Variants in RAB7B observed in about 807,000 individuals in gnomAD.
RAB7B encodes the protein RAB7B, member RAS oncogene family.
At chr1:205,983,776 A>T (rs1660540638) in intron 5 of RAB7B, 1 of 145,758 alleles carries the variant, frequency 6.9e-6, no homozygotes, top group African/African-American at 2.7e-5. Flanking sequence ...TTGCCAAGAA[A>T]GGGTGTTATA....
At chr1:205,994,274 G>A (rs1660773589) in intron 1 of RAB7B, 123 bp from the exon 2 acceptor site, 3 of 393,826 alleles carry the variant, frequency 7.6e-6, no homozygotes, top group Non-Finnish European at 1.3e-5. Flanking sequence ...GGGACTGGGT[G>A]GGGTTCTCCG....
At chr1:205,979,753 C>G (rs1660453533) in intron 5 of RAB7B, among the ~76,000 whole-genome samples, 1 of 152,170 alleles carries the variant, frequency 6.6e-6, no homozygotes, top group South Asian at 2.1e-4. Context: ...AGCATTCACT[C>G]TACGTGGAAG....
Position 205,988,268 on chromosome 1 carries a change from G to A in RAB7B, c.397-2603C>T, listed in dbSNP as rs1295424832. On this transcript the variant is annotated intron_variant, in intron 4 of 5. Transcript: ENST00000617070. ...TTTTCTTTTAGTGTCTTGCTCTGTC[G>A]CCCAGGCTGGAGCACAGTGGTGTGA... Among the ~76,000 whole-genome samples the A allele has an allele frequency of 9.4e-5, 12 of 128,002 alleles. No homozygotes were observed. The East Asian group carries it at 1.2e-3, about 13-fold the overall frequency. 84.0% of individuals were successfully genotyped at this position (128,002 alleles called of 152,430 possible). A position where few individuals can be genotyped will look rare whatever the true frequency, so the allele number is the denominator to read the frequency against.
At chr1:205,984,286 G>A in intron 5 of RAB7B, 1 of 152,262 alleles carries the variant, frequency 6.6e-6, no homozygotes, top group Non-Finnish European at 1.5e-5. Context: ...ATGCCTAGCT[G>A]GGCTCTTCTC....
Position 205,977,526 on chromosome 1 carries a change from A to G in RAB7B, c.*1325T>C, listed in dbSNP as rs1351578618. The G allele has an allele frequency of 6.6e-6, 1 of 152,210 alleles. No individual in the cohort carries two copies. Among genetic ancestry groups the G allele is most frequent in the Non-Finnish European group, 1.5e-5 (1 of 68,032 alleles). The allele number at this position is 152,210 out of a possible 1,614,324, so 9.4% of individuals were successfully genotyped here. A position where few individuals can be genotyped will look rare whatever the true frequency, so the allele number is the denominator to read the frequency against. On this transcript the variant is annotated 3_prime_UTR_variant, in exon 6 of 6. Transcript: ENST00000617070. ...CAAAACCCCAGCTCCTAAAACCTTC[A>G]TGAGCATCCACTTTCTGCTCAGCCT...
At chr1:205,990,673 G>T (rs1660705876) in intron 4 of RAB7B, among the ~76,000 whole-genome samples, 1 of 152,154 alleles carries the variant, frequency 6.6e-6, no homozygotes, top group African/African-American at 2.4e-5. Flanking sequence ...TGTCATGGGA[G>T]GTACAGCGAA....
intron 5 of RAB7B, among the ~76,000 whole-genome samples, chr1:205,981,636 T>C (rs1202698299): frequency 1.4e-5 from 2 of 148,132 alleles, no homozygotes; most frequent in African/African-American, 5.0e-5. Context: ...GAACACCTAC[T>C]GTGGTCTCTT....
chr1:205,985,008 C>T (rs1020817854), intron 5 of RAB7B, among the ~76,000 whole-genome samples: 1 of 152,206 alleles, frequency 6.6e-6, no homozygotes, highest in African/African-American at 2.4e-5. Flanking sequence ...CACTTAGGGG[C>T]CTATCTGCCT....
At chr1:205,980,381 C>T (rs1660468056) in intron 5 of RAB7B, among the ~76,000 whole-genome samples, 1 of 152,240 alleles carries the variant, frequency 6.6e-6, no homozygotes, top group African/African-American at 2.4e-5. Flanking sequence ...ACATCATTTT[C>T]ACTTGACAAT....
At position 205,994,086 on chromosome 1, in the gene RAB7B, A is replaced by G. The variant is rs927188129; in HGVS notation, c.50T>C (p.Ile17Thr). The change falls in exon 2 of 6, where the codon ATT (isoleucine) becomes ACT (threonine). Residue 17 changes from isoleucine to threonine, a missense_variant. Transcript: ENST00000617070. ...VDLKLIIVGAIGVGKTSLLHQ... is the reference protein window; with the variant it reads ...VDLKLIIVGATGVGKTSLLHQ... ...CCCAGAGCTGAGCTTGGCTTACCCAATGGCTCCGACGATAATGAGTTTCAG... is the reference window on the plus strand; with the variant it reads ...CCCAGAGCTGAGCTTGGCTTACCCAGTGGCTCCGACGATAATGAGTTTCAG... 5.8e-5 allele frequency: 23 copies of G among 398,514 alleles called. No homozygotes were observed. The highest frequency in any genetic ancestry group is 8.4e-5 in the Non-Finnish European group (19 of 226,104). The allele number at this position is 398,514 out of a possible 1,614,324, so 24.7% of individuals were successfully genotyped here. A position where few individuals can be genotyped will look rare whatever the true frequency, so the allele number is the denominator to read the frequency against.
intron 1 of RAB7B, among the ~76,000 whole-genome samples, chr1:205,994,978 G>T (rs951094905): frequency 3.9e-5 from 6 of 152,078 alleles, no homozygotes; most frequent in Non-Finnish European, 8.8e-5. Flanking sequence ...GAAAACAGAA[G>T]ATGGTACATT....
intron 5 of RAB7B, among the ~76,000 whole-genome samples, chr1:205,980,116 G>A (rs946964893): frequency 1.1e-4 from 17 of 152,174 alleles, no homozygotes; most frequent in African/African-American, 4.1e-4. Context: ...AATGTACCCC[G>A]ATGGCACAGA....
intron 4 of RAB7B, among the ~76,000 whole-genome samples, chr1:205,985,868 C>T (rs1660596526): frequency 6.6e-6 from 1 of 152,232 alleles, no homozygotes; most frequent in Admixed American, 6.5e-5. Context: ...TGAGAACCTC[C>T]CAAGTGTCTC....
At chr1:205,985,826 TCCC>T (rs1660594223) in intron 4 of RAB7B, among the ~76,000 whole-genome samples, 161 bp from the exon 5 acceptor site, 1 of 144,866 alleles carries the variant, frequency 6.9e-6, no homozygotes, top group African/African-American at 2.5e-5. Context: ...AGGCCCACCA[TCCC>T]CACCAGGCCC....
chr1:205,985,822 A>ACCATCCCCACCAGGCCCACCAGGCCCC (rs1660593981), intron 4 of RAB7B, among the ~76,000 whole-genome samples, 157 bp from the exon 5 acceptor site: 2 of 145,898 alleles, frequency 1.4e-5, no homozygotes, highest in African/African-American at 5.1e-5. Flanking sequence ...CACCAGGCCC[A>ACCATCCCCACCAGGCCCACCAGGCCCC]CCATCCCCAC....
chr1:205,979,265 C>T (rs898864092), intron 5 of RAB7B, among the ~76,000 whole-genome samples: 11 of 152,286 alleles, frequency 7.2e-5, no homozygotes, highest in Admixed American at 7.2e-4. Flanking sequence ...GGCCACTCCT[C>T]ATTTCTCCTG....
At chr1:205,984,696 C>A (rs996925455) in intron 5 of RAB7B, among the ~76,000 whole-genome samples, 1 of 152,208 alleles carries the variant, frequency 6.6e-6, no homozygotes, top group African/African-American at 2.4e-5. Flanking sequence ...TCTCAAGGAA[C>A]CTTGAACGCA....
intron 1 of RAB7B, among the ~76,000 whole-genome samples, chr1:206,002,022 T>C (rs1660900483): frequency 2.0e-5 from 3 of 152,142 alleles, no homozygotes; most frequent in Admixed American, 2.0e-4. Context: ...AGACAGAGTC[T>C]CCCGCCCCCA....
chr1:205,986,936 T>C (rs1356378336), intron 4 of RAB7B, among the ~76,000 whole-genome samples: 1 of 152,180 alleles, frequency 6.6e-6, no homozygotes, highest in Non-Finnish European at 1.5e-5. Context: ...TCTGTCTTAC[T>C]GGGATAAAAA....
Sources: gnomAD v4.1 joint callset for allele counts (sites outside exome capture counted in the v4.1 genomes callset) on GRCh38, gnomAD v4.1.1 for gene constraint, MANE v1.5 for transcripts, NCBI Gene and HGNC (gene_info 2026-07-23, HGNC 2026-07-21) for gene names.